The following CTSC variants were observed in gnomAD, a reference collection of about 807,000 sequenced individuals.
CTSC encodes cathepsin C.
In CTSC, 37 loss-of-function variants were observed where a neutral mutation model predicts 40.9. The observed-to-expected ratio is 0.91, with a 90% CI of 0.70 to 1.19. The LOEUF (loss-of-function observed/expected upper bound fraction) is 1.19, where lower values mean the gene tolerates loss of function less well. Ranked by LOEUF, CTSC falls within the 50% of genes most tolerant of loss-of-function variation. CTSC has a pLI of 0.00. For missense variants in CTSC, 594 were observed against 567.3 expected (o/e 1.05, Z -0.48); for synonymous variants, 232 against 207.4 (o/e 1.12, Z -1.02).
At chr11:88,317,564 A>G (rs1937907673) in intron 2 of CTSC, among the ~76,000 whole-genome samples, 1 of 152,186 alleles carries the variant, frequency 6.6e-6, no homozygotes, top group Non-Finnish European at 1.5e-5. Flanking sequence ...CCAAGTACGC[A>G]GTACCTTAAG....
Position 88,293,915 on chromosome 11 carries a change from T to G in CTSC, c.*91A>C. On this transcript the variant is annotated 3_prime_UTR_variant, in exon 7 of 7. Transcript: ENST00000227266. ...TCATGGAAATCTATTTGTAAGCTTC[T>G]GAGATTGCTGCTGAAAGTCTACAGT... is the stretch of plus-strand genomic sequence containing the variant. 5.0e-6 allele frequency: 7 copies of G among 1,389,076 alleles called. No homozygotes were observed. Among genetic ancestry groups the G allele is most frequent in the African/African-American group, 1.4e-5 (1 of 70,808 alleles). The allele number at this position is 1,389,076 out of a possible 1,614,324, so 86.0% of individuals were successfully genotyped here.
At chr11:88,326,266 G>A in intron 2 of CTSC, 1 of 1,566,196 alleles carries the variant, frequency 6.4e-7, no homozygotes, top group Admixed American at 1.9e-5. Flanking sequence ...AGGTCACCAG[G>A]ACTCCTTTGC....
At chr11:88,324,916 G>C (rs1938138287) in intron 2 of CTSC, 1 of 985,046 alleles carries the variant, frequency 1.0e-6, no homozygotes, top group African/African-American at 1.7e-5. Flanking sequence ...CAGAATAGCA[G>C]AACAGTATAC....
chr11:88,321,838 A>G (rs1267805615), intron 2 of CTSC: 2 of 152,168 alleles, frequency 1.3e-5, no homozygotes, highest in Non-Finnish European at 2.9e-5. Context: ...AGGAATCACC[A>G]CACTGTCTTC....
chr11:88,333,857 G>C (rs1451639450), intron 2 of CTSC, among the ~76,000 whole-genome samples: 1 of 151,914 alleles, frequency 6.6e-6, no homozygotes, highest in Non-Finnish European at 1.5e-5. Context: ...ATCCAGTTGA[G>C]GAAAGGCAAC....
intron 2 of CTSC, among the ~76,000 whole-genome samples, chr11:88,331,745 G>A (rs920196079): frequency 2.0e-5 from 3 of 152,154 alleles, no homozygotes; most frequent in Non-Finnish European, 4.4e-5. Context: ...ATTCTTCTTG[G>A]TGTCTCTGTG....
intron 4 of CTSC, 120 bp from the exon 5 acceptor site, chr11:88,300,765 C>T (rs1944351388): frequency 1.4e-6 from 1 of 712,108 alleles, no homozygotes; most frequent in Non-Finnish European, 2.5e-6. Context: ...AGATTCAGAC[C>T]CAGAGCACCT....
chr11:88,302,094 A>T (rs1400611585), intron 4 of CTSC, among the ~76,000 whole-genome samples: 1 of 152,190 alleles, frequency 6.6e-6, no homozygotes, highest in Non-Finnish European at 1.5e-5. Flanking sequence ...TTTTTAGGGC[A>T]CTAGTCACAA....
chr11:88,318,125 T>A (rs7112455), intron 2 of CTSC, among the ~76,000 whole-genome samples: 7,604 of 152,218 alleles, frequency 0.05, 229 homozygotes, highest in East Asian at 0.11. Context: ...GAAAAAAAAA[T>A]TCCTTAAACC....
intron 2 of CTSC, among the ~76,000 whole-genome samples, chr11:88,316,501 A>AAATAAATAAATAAATAAATG (rs1211606419): frequency 7.1e-6 from 1 of 140,822 alleles, no homozygotes; most frequent in African/African-American, 2.5e-5. Context: ...ATAAATAAAT[A>AAATAAATAAATAAATAAATG]AATGAAGCAG....
intron 2 of CTSC, among the ~76,000 whole-genome samples, chr11:88,314,108 T>C (rs958453290): frequency 6.6e-6 from 1 of 152,232 alleles, no homozygotes; most frequent in African/African-American, 2.4e-5. Flanking sequence ...ATTATTTCAC[T>C]TGTTTGCAGA....
chr11:88,337,037 G>T (rs1370968235), intron 1 of CTSC, among the ~76,000 whole-genome samples: 1 of 132,004 alleles, frequency 7.6e-6, no homozygotes, highest in Non-Finnish European at 1.8e-5. Context: ...CAAAATCGCT[G>T]GGCAGAAAGT....
chr11:88,315,478 G>C (rs1376818828), intron 2 of CTSC, among the ~76,000 whole-genome samples: 1 of 152,180 alleles, frequency 6.6e-6, no homozygotes, highest in Non-Finnish European at 1.5e-5. Flanking sequence ...AAAGGGGTGA[G>C]CAAACTAAAA....
chr11:88,314,494 T>C (rs1565257138), intron 2 of CTSC, among the ~76,000 whole-genome samples: 3 of 152,198 alleles, frequency 2.0e-5, no homozygotes, highest in African/African-American at 7.2e-5. Context: ...GGGCTACTCA[T>C]ATCCGCATCT....
At chr11:88,325,504 A>G (rs2134807988) in intron 2 of CTSC, 8 of 985,384 alleles carry the variant, frequency 8.1e-6, no homozygotes, top group Non-Finnish European at 9.6e-6. Flanking sequence ...TTTTTTCACT[A>G]TTTAGCCCCA....
chr11:88,318,361 T>C (rs1937924179), intron 2 of CTSC, among the ~76,000 whole-genome samples: 1 of 152,238 alleles, frequency 6.6e-6, no homozygotes, highest in South Asian at 2.1e-4. Flanking sequence ...ACTACTTTAC[T>C]GGACTGCTAT....
Position 88,328,097 on chromosome 11 carries a change from T to C in CTSC, c.318+6840A>G, listed in dbSNP as rs200883725. ...CTTTTAATAAGAAAGTTAGAAATTT[T>C]TCAATGGAGCTCACCCAGTTTGTTC... On this transcript the variant is annotated intron_variant, in intron 2 of 6. Coordinates refer to ENST00000227266, the MANE Select transcript of CTSC (RefSeq NM_001814.6). 59 of 1,592,544 alleles carry C rather than the reference T, an allele frequency of 3.7e-5. 1 individual carries two copies. The highest frequency in any genetic ancestry group is 4.2e-5 in the Non-Finnish European group (49 of 1,160,390).
At chr11:88,323,500 T>A (rs1355309623) in intron 2 of CTSC, 2 of 152,208 alleles carry the variant, frequency 1.3e-5, no homozygotes, top group African/African-American at 4.8e-5. Flanking sequence ...GAAGATAACA[T>A]GATCCTATAT....
Sources: gnomAD v4.1 joint callset for allele counts (sites outside exome capture counted in the v4.1 genomes callset) on GRCh38, gnomAD v4.1.1 for gene constraint, MANE v1.5 for transcripts, NCBI Gene and HGNC (gene_info 2026-07-23, HGNC 2026-07-21) for gene names.